Variants in TPH1 observed in about 807,000 individuals in gnomAD.
The protein encoded by TPH1 is tryptophan hydroxylase 1.
TPH1 carries 37 observed loss-of-function variants against 49.5 expected under a neutral mutation model. The ratio of observed to expected loss-of-function variants is 0.75; its 90% confidence interval spans 0.58 to 0.98. TPH1 has a LOEUF of 0.98. Ranked by LOEUF, TPH1 falls within the 50% of genes least tolerant of loss-of-function variation. The pLI, the probability that TPH1 is intolerant of heterozygous loss-of-function variation, is 0.00. For missense variants in TPH1, 487 were observed against 523.6 expected, an observed-to-expected ratio of 0.93 and a Z score of 0.68; for synonymous variants, 160 against 182.1, an observed-to-expected ratio of 0.88 and a Z score of 0.98.
In TPH1 at chr11:18,022,795, T is replaced by C. The variant is rs1854377692; in HGVS notation, c.1160+3A>G. ...ATGAAGGCGTGAAGAAGATATACTG[T>C]ACCTCATCTTCTCCTTTGCATCTTC... On this transcript the variant is annotated splice_donor_region_variant and intron_variant, in intron 10 of 10. Transcript: ENST00000682019. 2 of 1,612,698 alleles carry C rather than the reference T, an allele frequency of 1.2e-6. No homozygotes were observed. The highest frequency in any genetic ancestry group is 1.7e-6 in the Non-Finnish European group (2 of 1,179,182).
At chr11:18,033,058 GCCT>G (rs1848007740) in intron 4 of TPH1, among the ~76,000 whole-genome samples, 2 of 152,094 alleles carry the variant, frequency 1.3e-5, no homozygotes, top group African/African-American at 4.8e-5. Context: ...TTTGAGACCA[GCCT>G]GGCCAACATG....
intron 3 of TPH1, among the ~76,000 whole-genome samples, chr11:18,035,502 C>A (rs760957819): frequency 2.7e-5 from 4 of 149,130 alleles, no homozygotes; most frequent in Non-Finnish European, 5.9e-5. Flanking sequence ...CTCGGCTCAG[C>A]TCTACAGCCT....
intron 2 of TPH1, 49 bp from the exon 3 acceptor site, chr11:18,036,191 ATAG>A: frequency 7.0e-7 from 1 of 1,433,728 alleles, no homozygotes. Flanking sequence ...TCAAATGTTA[ATAG>A]TCTTTGAGCA....
At chr11:18,021,400 T>A (rs1854360683) in intron 10 of TPH1, among the ~76,000 whole-genome samples, 1 of 152,232 alleles carries the variant, frequency 6.6e-6, no homozygotes, top group Non-Finnish European at 1.5e-5. Context: ...CATTATAAAG[T>A]AGTTGTAAAT....
intron 3 of TPH1, among the ~76,000 whole-genome samples, chr11:18,035,064 G>A (rs1012185407): frequency 2.0e-5 from 3 of 152,254 alleles, no homozygotes; most frequent in Non-Finnish European, 2.9e-5. Flanking sequence ...ACGGAGCTCA[G>A]GCGGTAAGGA....
intron 1 of TPH1, chr11:18,042,234 T>G (rs1158674933): frequency 5.3e-6 from 2 of 376,210 alleles, no homozygotes; most frequent in Non-Finnish European, 1.0e-5. Context: ...GACCATTTCT[T>G]AAGGTAAACT....
intron 6 of TPH1, 53 bp downstream of exon 6, chr11:18,029,112 T>C: frequency 1.9e-6 from 2 of 1,029,174 alleles, no homozygotes; most frequent in Non-Finnish European, 3.0e-6. Flanking sequence ...AATGCTGTCA[T>C]GATCAAAACA....
intron 6 of TPH1, among the ~76,000 whole-genome samples, 186 bp downstream of exon 6, chr11:18,028,979 C>T (rs539752357): frequency 2.7e-5 from 4 of 149,410 alleles, no homozygotes; most frequent in Admixed American, 1.4e-4. Flanking sequence ...GCAAGAGAAT[C>T]GCTTGAACCC....
In TPH1 at chr11:18,019,027, TAATC is replaced by T. The variant is rs1246301951; in HGVS notation, c.*1960_*1963del. On this transcript the variant is annotated 3_prime_UTR_variant, in exon 11 of 11. Coordinates refer to ENST00000682019, the MANE Select transcript of TPH1 (RefSeq NM_004179.3). The stretch of plus-strand genomic sequence containing the variant: ...CCTTGCAACCAAACTATAAATCAGA[TAATC>T]AATATTTCAAATGATTCTAGATTAG... 5 of 152,206 alleles carry T rather than the reference TAATC, an allele frequency of 3.3e-5. No individual in the cohort carries two copies. Among genetic ancestry groups the T allele is most frequent in the Admixed American group, 2.0e-4 (3 of 15,280 alleles). 9.4% of individuals were successfully genotyped at this position (152,206 alleles called of 1,614,324 possible).
intron 3 of TPH1, among the ~76,000 whole-genome samples, chr11:18,033,974 C>A (rs1163421321): frequency 1.3e-5 from 2 of 152,194 alleles, no homozygotes; most frequent in Non-Finnish European, 2.9e-5. Flanking sequence ...ATGAGATCTT[C>A]TCATTCCGCA....
At chr11:18,041,602 A>T (rs1848098911) in intron 1 of TPH1, among the ~76,000 whole-genome samples, 1 of 152,226 alleles carries the variant, frequency 6.6e-6, no homozygotes, top group African/African-American at 2.4e-5. Context: ...GATTTTCCTC[A>T]CGGAAGAAAC....
chr11:18,042,898 ATTG>A (rs1400496310), intron 1 of TPH1, among the ~76,000 whole-genome samples: 7 of 152,208 alleles, frequency 4.6e-5, no homozygotes, highest in African/African-American at 1.7e-4. Flanking sequence ...AAATGTCAGT[ATTG>A]TTTTGTATCA....
intron 3 of TPH1, among the ~76,000 whole-genome samples, chr11:18,033,677 T>G (rs1377682057): frequency 1.3e-5 from 2 of 152,234 alleles, no homozygotes; most frequent in African/African-American, 4.8e-5. Context: ...CATATTTAGT[T>G]ATTCAACAAA....
In TPH1 at chr11:18,021,033, G is replaced by T; in HGVS notation, c.1293C>A (p.Val431=). The change falls in exon 11 of 11, where the codon GTC becomes GTA. Residue 431 remains valine (V), a synonymous_variant. Coordinates refer to ENST00000682019, the MANE Select transcript of TPH1 (RefSeq NM_004179.3). The stretch of plus-strand genomic sequence containing the variant: ...TGCTGACCTTAGCAAGGGCATCACT[G>T]ACAACATCGAGATCATGCTGCAGCT... The part of the protein sequence containing the change: ...MNELQHDLDV[V]SDALAKVSRK... 1 of 1,614,030 alleles carries T rather than the reference G, an allele frequency of 6.2e-7. No homozygotes were observed. The highest frequency in any genetic ancestry group is 1.1e-5 in the South Asian group (1 of 91,052).
In TPH1 at chr11:18,044,541, T is replaced by TC. The variant is rs1564861075; in HGVS notation, c.-27+1699_-27+1700insG. 3.4e-3 allele frequency among the ~76,000 whole-genome samples: 513 copies of TC among 148,724 alleles called. 3 individuals carry two copies. Among genetic ancestry groups the TC allele is most frequent in the African/African-American group, 0.013 (489 of 38,368 alleles). On this transcript the variant is annotated intron_variant, in intron 1 of 10. Transcript: ENST00000682019. Reference sequence around the variant, plus strand: ...AAGAAAATTCTCACCCTCTTTTTTGTTCCCCCCCACCCCAAAATAATCTTA... The same window carrying TC: ...AAGAAAATTCTCACCCTCTTTTTTGTCTCCCCCCCACCCCAAAATAATCTTA...
Position 18,022,839 on chromosome 11 carries a change from G to C in TPH1, c.1119C>G (p.Tyr373Ter), listed in dbSNP as rs371167341. 1.1e-5 allele frequency: 18 copies of C among 1,613,368 alleles called. No homozygotes were observed. The highest frequency in any genetic ancestry group is 1.4e-5 in the Non-Finnish European group (17 of 1,179,582). Residue 373 changes from tyrosine (Y) to a stop codon, truncating the protein, a stop_gained, in exon 10 of 11, where the codon TAC becomes TAG. Coordinates refer to ENST00000682019, the MANE Select transcript of TPH1 (RefSeq NM_004179.3). LOFTEE classifies it high-confidence loss of function. ...CATCTTCAAAACTTTCAGATACAAA[G>C]TAGACATCTTGAAAAGTTGTGATAA... is the stretch of plus-strand genomic sequence containing the variant. ...ECLITTFQDV[Y>*]FVSESFEDAK... is the part of the protein sequence containing the mutation.
chr11:18,023,244 T>A (rs930245886), intron 9 of TPH1: 1 of 346,216 alleles, frequency 2.9e-6, no homozygotes, highest in Non-Finnish European at 5.5e-6. Context: ...CAACACTAGT[T>A]ATTCCTATGT....
Position 18,022,738 on chromosome 11 carries a change from A to G in TPH1, c.1160+60T>C, listed in dbSNP as rs142676114. On this transcript the variant is annotated intron_variant, in intron 10 of 10. Transcript: ENST00000682019. ...TAGCTGCTTACTTCTGTGACTTGTT[A>G]CCATAATGGGGCTGATCTTTCCCTG... The G allele has an allele frequency of 4.3e-5, 68 of 1,592,986 alleles. No homozygotes were observed. In the African/African-American group the frequency reaches 8.3e-4, roughly 19 times the overall value.
chr11:18,045,426 T>G (rs1349086728), intron 1 of TPH1, among the ~76,000 whole-genome samples: 1 of 152,032 alleles, frequency 6.6e-6, no homozygotes, highest in Non-Finnish European at 1.5e-5. Flanking sequence ...TGATAACATA[T>G]GTAAACCACA....
Sources: allele counts gnomAD v4.1 joint callset (sites outside exome capture counted in the v4.1 genomes callset), GRCh38; gene constraint gnomAD v4.1.1; transcripts MANE v1.5; gene names NCBI Gene and HGNC (gene_info 2026-07-23, HGNC 2026-07-21).